DEPDC5: variants seen among roughly 807,000 people sequenced by gnomAD.
The protein encoded by DEPDC5 is GATOR1 complex protein DEPDC5.
DEPDC5 carries 73 observed loss-of-function variants against 217.3 expected under a neutral mutation model. That is an observed-to-expected ratio of 0.34 (90% CI 0.28 to 0.41). The LOEUF (loss-of-function observed/expected upper bound fraction) is 0.41. Among genes scored for constraint, DEPDC5 ranks in the 10% least tolerant of loss-of-function variants. The probability of loss-of-function intolerance (pLI) is 1.00; values close to 1 mark genes in which losing one functional copy is unlikely to be tolerated. For missense variants in DEPDC5, 1,675 were observed against 2,070.1 expected, an observed-to-expected ratio of 0.81 and a Z score of 3.70; for synonymous variants, 733 against 756.7, an observed-to-expected ratio of 0.97 and a Z score of 0.51.
intron 33 of DEPDC5, among the ~76,000 whole-genome samples, chr22:31,864,734 G>C (rs531835011): frequency 6.6e-6 from 1 of 151,626 alleles, no homozygotes; most frequent in South Asian, 2.1e-4. Flanking sequence ...TGTTGCCCAG[G>C]CTCAAATGCA....
In DEPDC5 at chr22:31,760,677, G is replaced by A; in HGVS notation, c.168G>A (p.Lys56=). 6.2e-7 allele frequency: 1 copy of A among 1,613,264 alleles called. No homozygotes were observed. The highest frequency in any genetic ancestry group is 8.5e-7 in the Non-Finnish European group (1 of 1,179,724). Residue 56 remains lysine (K), a synonymous_variant, in exon 4 of 43, where the codon AAG becomes AAA. Coordinates refer to ENST00000651528, the MANE Select transcript of DEPDC5 (RefSeq NM_001242896.3). The stretch of plus-strand genomic sequence containing the variant: ...TCAGCCCTCTGCTTTTGCAGGTCAA[G>A]TCTCTTAAGGAAGATTTACAGAAGG... The part of the protein sequence containing the change: ...DEYSPLLLQV[K]SLKEDLQKET...
intron 38 of DEPDC5, among the ~76,000 whole-genome samples, chr22:31,885,472 T>C (rs2093283511): frequency 6.6e-6 from 1 of 152,150 alleles, no homozygotes; most frequent in African/African-American, 2.4e-5. Context: ...ACGCCTGTAA[T>C]CCCAGCACTT....
At chr22:31,901,823 G>C (rs973515261) in intron 41 of DEPDC5, 21 bp downstream of exon 41, 1 of 1,608,430 alleles carries the variant, frequency 6.2e-7, no homozygotes, top group Non-Finnish European at 8.5e-7. Flanking sequence ...TAGCAAGTGT[G>C]AAGAGTGGGA....
chr22:31,873,044 C>A, intron 34 of DEPDC5: 5 of 950,324 alleles, frequency 5.3e-6, no homozygotes, highest in Non-Finnish European at 7.3e-6. Flanking sequence ...CGTAAGCCAC[C>A]AAACCCGGCC....
At chr22:31,843,906 C>T in intron 29 of DEPDC5, 94 bp downstream of exon 29, 1 of 1,313,474 alleles carries the variant, frequency 7.6e-7, no homozygotes, top group Non-Finnish European at 1.0e-6. Context: ...CTCTCTCTCC[C>T]TTTTTCTTTT....
intron 32 of DEPDC5, among the ~76,000 whole-genome samples, chr22:31,860,374 C>A (rs1345558285): frequency 6.6e-6 from 1 of 152,114 alleles, no homozygotes; most frequent in East Asian, 1.9e-4. Flanking sequence ...AAATGGGCAC[C>A]CAAATATTTC....
chr22:31,825,224 G>A (rs1433065313), intron 24 of DEPDC5, among the ~76,000 whole-genome samples: 1 of 152,188 alleles, frequency 6.6e-6, no homozygotes, highest in Non-Finnish European at 1.5e-5. Flanking sequence ...AGTCTTGGAA[G>A]TTGTTTGGGG....
chr22:31,879,067 T>TATACACATAC lies in DEPDC5; in HGVS notation c.3806-457_3806-456insTACACATACA, dbSNP rs1476103970. ...AAATATATATATATATATATATATA[T>TATACACATAC]ACACACACACACACGTATATATATA... On this transcript the variant is annotated intron_variant, in intron 37 of 42. Coordinates refer to ENST00000651528, the MANE Select transcript of DEPDC5 (RefSeq NM_001242896.3). Among the ~76,000 whole-genome samples, 27 of 133,958 alleles carry TATACACATAC rather than the reference T, an allele frequency of 2.0e-4. 1 individual carries two copies. In the South Asian group the frequency reaches 2.7e-3, roughly 13 times the overall value. 87.9% of individuals were successfully genotyped at this position (133,958 alleles called of 152,430 possible). A position where few individuals can be genotyped will look rare whatever the true frequency, so the allele number is the denominator to read the frequency against.
At chr22:31,848,036 A>G (rs192002186) in intron 31 of DEPDC5, among the ~76,000 whole-genome samples, 6 of 152,346 alleles carry the variant, frequency 3.9e-5, no homozygotes, top group East Asian at 3.9e-4. Context: ...CTGAAATCCA[A>G]TAGGGCAACC....
chr22:31,831,433 G>T (rs2090586071), intron 24 of DEPDC5, among the ~76,000 whole-genome samples: 2 of 152,112 alleles, frequency 1.3e-5, no homozygotes, highest in Non-Finnish European at 2.9e-5. Context: ...GTTTTGGCCA[G>T]GTGATGTCAT....
At chr22:31,796,489 A>G (rs1042361421) in intron 12 of DEPDC5, among the ~76,000 whole-genome samples, 6 of 152,178 alleles carry the variant, frequency 3.9e-5, no homozygotes, top group African/African-American at 1.4e-4. Flanking sequence ...CACTATTCTC[A>G]ACAGTATTGC....
At chr22:31,773,753 T>C (rs1036469215) in intron 7 of DEPDC5, among the ~76,000 whole-genome samples, 1 of 152,164 alleles carries the variant, frequency 6.6e-6, no homozygotes, top group Non-Finnish European at 1.5e-5. Context: ...CAATTTAACT[T>C]TCAATCTGGT....
chr22:31,824,478 G>A (rs2089978947), intron 24 of DEPDC5, among the ~76,000 whole-genome samples: 1 of 152,142 alleles, frequency 6.6e-6, no homozygotes, highest in Non-Finnish European at 1.5e-5. Flanking sequence ...TAGGAATCTG[G>A]GTTGGCAGTA....
chr22:31,768,804 C>G lies in DEPDC5; in HGVS notation c.364-10C>G, dbSNP rs116263417. 4.3e-6 allele frequency: 7 copies of G among 1,612,288 alleles called. No homozygotes were observed. In the Admixed American group the frequency reaches 5.0e-5, roughly 12 times the overall value. On this transcript the variant is annotated splice_polypyrimidine_tract_variant and intron_variant, in intron 6 of 42. Transcript: ENST00000651528. ...TCCCTCTCTCTACCCCTCTCTCCCC[C>G]TCCTCTTAGGTCAGCACATGTGCCT...
At chr22:31,887,088 A>G (rs1040469900) in intron 38 of DEPDC5, among the ~76,000 whole-genome samples, 5 of 151,160 alleles carry the variant, frequency 3.3e-5, no homozygotes, top group African/African-American at 1.2e-4. Context: ...ATCTCGAAAA[A>G]AAAAAAAAGA....
intron 32 of DEPDC5, 84 bp downstream of exon 32, chr22:31,857,637 C>T (rs2092354748): frequency 7.7e-6 from 9 of 1,162,492 alleles, no homozygotes; most frequent in South Asian, 1.4e-5. Flanking sequence ...CCTTCAGATC[C>T]GGGATTGCAT....
chr22:31,885,656 CAG>C (rs759765192), intron 38 of DEPDC5, among the ~76,000 whole-genome samples: 15 of 147,276 alleles, frequency 1.0e-4, no homozygotes, highest in Middle Eastern at 3.6e-3. Context: ...ACCTGGGAGG[CAG>C]AGCTTGCAGT....
At chr22:31,764,952 G>A (rs765370026) in intron 4 of DEPDC5, 23 bp from the exon 5 acceptor site, 1 of 1,583,658 alleles carries the variant, frequency 6.3e-7, no homozygotes. Flanking sequence ...TGTTATCTGA[G>A]CCAGATATTG....
In DEPDC5 at chr22:31,821,517, C is replaced by T. The variant is rs200837662; in HGVS notation, c.1886C>T (p.Ala629Val). The change falls in exon 23 of 43, where the codon GCC becomes GTC. Residue 629 changes from alanine (A) to valine (V), a missense_variant. Transcript: ENST00000651528. Reference protein sequence around the residue: ...HTFPVGPSGEAIQIHHQTRQN... With the variant: ...HTFPVGPSGEVIQIHHQTRQN... ...ATCTGGGTAGGGCCATCCGGAGAAG[C>T]CATCCAGATCCACCACCAGACCCGA... 3.7e-6 allele frequency: 6 copies of T among 1,614,078 alleles called. No individual in the cohort carries two copies. Among genetic ancestry groups the T allele is most frequent in the Admixed American group, 1.7e-5 (1 of 59,998 alleles).
Sources: gnomAD v4.1 joint callset for allele counts (sites outside exome capture counted in the v4.1 genomes callset) on GRCh38, gnomAD v4.1.1 for gene constraint, MANE v1.5 for transcripts, NCBI Gene and HGNC (gene_info 2026-07-23, HGNC 2026-07-21) for gene names.